The following CFAP44 variants were observed in gnomAD, a reference collection of about 807,000 sequenced individuals.
The protein encoded by CFAP44 is cilia and flagella associated protein 44, also known as cilia- and flagella-associated protein 44.
CFAP44 carries 134 observed loss-of-function variants against 216.2 expected under a neutral mutation model. The ratio of observed to expected loss-of-function variants is 0.62; its 90% CI spans 0.54 to 0.72. The LOEUF (loss-of-function observed/expected upper bound fraction) is 0.72. Ranked by LOEUF, CFAP44 falls within the 30% of genes least tolerant of loss-of-function variation. The pLI is 0.00. For synonymous variants in CFAP44, 700 were observed against 727.6 expected (o/e 0.96, Z 0.61); for missense variants, 2,035 against 2,182.1 (o/e 0.93, Z 1.34).
At chr3:113,394,779 T>C (rs1376567539) in intron 15 of CFAP44, among the ~76,000 whole-genome samples, 2 of 152,238 alleles carry the variant, frequency 1.3e-5, no homozygotes, top group African/African-American at 4.8e-5. Context: ...TATGAATTTG[T>C]GTTGCGCCTC....
In CFAP44 at chr3:113,327,891, C is replaced by T. The variant is rs1431276540; in HGVS notation, c.4117-72G>A. 4.4e-6 allele frequency: 6 copies of T among 1,371,994 alleles called. No individual in the cohort carries two copies. The African/African-American group carries it at 5.8e-5, about 13-fold the overall frequency. 85.0% of individuals were successfully genotyped at this position (1,371,994 alleles called of 1,614,324 possible). ...TGCATTTTTAAACTATCTAACAGTACTAATTTGTATGAAGTCATTTTTTAT... is the reference window on the plus strand; with the variant it reads ...TGCATTTTTAAACTATCTAACAGTATTAATTTGTATGAAGTCATTTTTTAT... On this transcript the variant is annotated intron_variant, in intron 26 of 34. Coordinates refer to ENST00000393845, the MANE Select transcript of CFAP44 (RefSeq NM_001164496.2).
intron 5 of CFAP44, among the ~76,000 whole-genome samples, chr3:113,418,754 G>A (rs1934723812): frequency 6.6e-6 from 1 of 151,984 alleles, no homozygotes; most frequent in Non-Finnish European, 1.5e-5. Context: ...CGCCCAGGCT[G>A]AAGTGCAACG....
intron 4 of CFAP44, among the ~76,000 whole-genome samples, chr3:113,420,948 G>A (rs1326508954): frequency 6.6e-6 from 1 of 152,046 alleles, no homozygotes; most frequent in Non-Finnish European, 1.5e-5. Flanking sequence ...GTATGTGTTT[G>A]TGTGTATGTA....
intron 1 of CFAP44, among the ~76,000 whole-genome samples, chr3:113,439,335 A>G (rs1185508792): frequency 2.0e-5 from 3 of 152,158 alleles, no homozygotes; most frequent in African/African-American, 7.2e-5. Flanking sequence ...ACTATCCCAA[A>G]AGACTGCAAA....
Position 113,306,218 on chromosome 3 carries a change from CA to C in CFAP44, c.4740del (p.Tyr1580Ter). 6.5e-7 allele frequency: 1 copy of C among 1,536,536 alleles called. No individual in the cohort carries two copies. The highest frequency in any genetic ancestry group is 8.7e-7 in the Non-Finnish European group (1 of 1,146,562). On this transcript the variant is annotated frameshift_variant, in exon 30 of 35. Coordinates refer to ENST00000393845, the MANE Select transcript of CFAP44 (RefSeq NM_001164496.2). LOFTEE classifies it high-confidence loss of function. ...KKIVDNLKKE[Y>X]DTLSKKVKIV... ...CACCATACTTTTTTTGACAATGTAT[CA>C]TATTCCTTTTTGAGGTTATCAACAA...
chr3:113,315,166 A>G (rs1950075264), intron 28 of CFAP44, among the ~76,000 whole-genome samples: 1 of 151,332 alleles, frequency 6.6e-6, no homozygotes, highest in South Asian at 2.1e-4. Flanking sequence ...ACATTATCCA[A>G]TCATACGCTG....
chr3:113,422,252 T>C (rs1009643864), intron 4 of CFAP44, among the ~76,000 whole-genome samples: 4 of 152,190 alleles, frequency 2.6e-5, no homozygotes, highest in Non-Finnish European at 4.4e-5. Flanking sequence ...AATTTGTATT[T>C]CTTGAGCCCT....
intron 24 of CFAP44, among the ~76,000 whole-genome samples, chr3:113,336,352 A>C (rs529001981): frequency 6.6e-6 from 1 of 152,148 alleles, no homozygotes; most frequent in South Asian, 2.1e-4. Flanking sequence ...AGAATATGAA[A>C]ATTAACAATA....
chr3:113,396,391 A>G (rs1022678344), intron 14 of CFAP44, 127 bp downstream of exon 14: 2 of 1,090,428 alleles, frequency 1.8e-6, no homozygotes, highest in South Asian at 1.7e-5. Context: ...GACTACAAAG[A>G]AAGCAAAATG....
In CFAP44 at chr3:113,420,032, T is replaced by G; in HGVS notation, c.555A>C (p.Gly185=). ...QIYLRSSSGE[G]IGVIGVHPHK... is the part of the protein sequence containing the mutation. ...GAAGGCATACCCCAATGACGCCAAT[T>G]CCTTCACCACTGCTACTTCGCAGGT... is the stretch of plus-strand genomic sequence containing the variant. The change falls in exon 5 of 35, where the codon GGA becomes GGC. Residue 185 remains glycine, a synonymous_variant. Coordinates refer to ENST00000393845, the MANE Select transcript of CFAP44 (RefSeq NM_001164496.2). 1 of 1,613,264 alleles carries G rather than the reference T, an allele frequency of 6.2e-7. No homozygotes were observed. The highest frequency in any genetic ancestry group is 8.5e-7 in the Non-Finnish European group (1 of 1,179,772).
In CFAP44 at chr3:113,401,639, T is replaced by A; in HGVS notation, c.1271A>T (p.Asn424Ile). 1.2e-6 allele frequency: 2 copies of A among 1,613,506 alleles called. No homozygotes were observed. The highest frequency in any genetic ancestry group is 1.7e-6 in the Non-Finnish European group (2 of 1,179,694). ...ATTCATTTTTATCATAGAGAAGAGA[T>A]TCACATTCTTGTCTACTTGAAGTTC... ...INELQVDKNVNLFSMIKMNET... is the reference protein window; with the variant it reads ...INELQVDKNVILFSMIKMNET... Residue 424 changes from asparagine to isoleucine, a missense_variant, in exon 10 of 35, where the codon AAT becomes ATT. By Grantham distance (149) the Asn-to-Ile change is moderately radical. Around this residue, in one of 3 missense-constraint regions of CFAP44, gnomAD observed 1,883 missense variants for 2,023.7 expected, o/e 0.93. Transcript: ENST00000393845.
chr3:113,300,622 G>A (rs1949925609), intron 32 of CFAP44, among the ~76,000 whole-genome samples: 2 of 151,440 alleles, frequency 1.3e-5, no homozygotes, highest in Admixed American at 1.3e-4. Context: ...CAAAGGATTA[G>A]TATCAAAAAA....
intron 28 of CFAP44, among the ~76,000 whole-genome samples, chr3:113,321,720 T>A (rs561710254): frequency 6.6e-6 from 1 of 152,146 alleles, no homozygotes. Flanking sequence ...TATACATCAA[T>A]AATGTACAGT....
chr3:113,418,710 T>G (rs1050143618), intron 5 of CFAP44, among the ~76,000 whole-genome samples: 9 of 151,734 alleles, frequency 5.9e-5, no homozygotes, highest in African/African-American at 2.2e-4. Context: ...TTTTGTTTTT[T>G]GGGTTTTTTT....
intron 8 of CFAP44, among the ~76,000 whole-genome samples, chr3:113,406,069 A>G (rs145807146): frequency 1.1e-4 from 17 of 152,370 alleles, no homozygotes; most frequent in African/African-American, 3.6e-4. Context: ...TATGTAAAAT[A>G]TTGATAGAGA....
chr3:113,350,945 G>GAC (rs1416254520), intron 22 of CFAP44, among the ~76,000 whole-genome samples: 13 of 152,342 alleles, frequency 8.5e-5, no homozygotes, highest in Middle Eastern at 3.4e-3. Context: ...GGTCTGACCA[G>GAC]ACCTAGGAGG....
intron 26 of CFAP44, 34 bp downstream of exon 26, chr3:113,330,134 T>C (rs1467421613): frequency 6.8e-7 from 1 of 1,465,604 alleles, no homozygotes; most frequent in South Asian, 1.4e-5. Context: ...TCTTCTCTCT[T>C]TCAGCTTTAA....
At chr3:113,309,601 T>C (rs984858651) in intron 28 of CFAP44, among the ~76,000 whole-genome samples, 1 of 152,210 alleles carries the variant, frequency 6.6e-6, no homozygotes, top group African/African-American at 2.4e-5. Flanking sequence ...TGTAGACCTT[T>C]CCACTCCAAC....
chr3:113,318,208 C>A (rs940719117), intron 28 of CFAP44, among the ~76,000 whole-genome samples: 2 of 152,034 alleles, frequency 1.3e-5, no homozygotes, highest in Admixed American at 1.3e-4. Flanking sequence ...AAGAAGAAAA[C>A]CAAATTTTTA....
Sources: allele counts gnomAD v4.1 joint callset (sites outside exome capture counted in the v4.1 genomes callset), GRCh38; gene constraint gnomAD v4.1.1; regional missense constraint gnomAD v4.1.1; transcripts MANE v1.5; gene names NCBI Gene and HGNC (gene_info 2026-07-23, HGNC 2026-07-21).